TULP2: variants seen among roughly 807,000 people sequenced by gnomAD.
TULP2 encodes the protein TUB like protein 2, also known as tubby-related protein 2.
Under a neutral mutation model 60.3 loss-of-function variants are expected in TULP2, and 64 were observed. The ratio of observed to expected loss-of-function variants is 1.06; its 90% CI spans 0.87 to 1.31. The LOEUF is 1.31. Among genes scored for constraint, TULP2 ranks in the 50% most tolerant of loss-of-function variants. The pLI is 0.00. For missense variants in TULP2, 652 were observed against 667.0 expected (o/e 0.98, Z 0.25); for synonymous variants, 267 against 265.4 (o/e 1.01, Z -0.06).
In TULP2 at chr19:48,889,125, C is replaced by T. The variant is rs111928121; in HGVS notation, c.636+385G>A. Among the ~76,000 whole-genome samples, 1,001 of 151,834 alleles carry T rather than the reference C, an allele frequency of 6.6e-3. 15 individuals carry two copies. The highest frequency in any genetic ancestry group is 0.023 in the African/African-American group (945 of 41,390). The stretch of plus-strand genomic sequence containing the variant: ...CTGAGTAGTTGGGATTACTGGCGTG[C>T]GCCACCACACCTGGCTAATTTTTGT... On this transcript the variant is annotated intron_variant, in intron 7 of 12. Coordinates refer to ENST00000221399, the MANE Select transcript of TULP2 (RefSeq NM_003323.3).
At chr19:48,889,969 T>C (rs2037217577) in intron 6 of TULP2, among the ~76,000 whole-genome samples, 2 of 152,212 alleles carry the variant, frequency 1.3e-5, no homozygotes, top group South Asian at 2.1e-4. Flanking sequence ...AGCCAGGTAT[T>C]GTCCAAGATT....
rs764226115 is a variant in TULP2, at chr19:48,883,772, G to T, written c.1257C>A (p.Ile419=). 12 of 1,613,936 alleles carry T rather than the reference G, an allele frequency of 7.4e-6. No individual in the cohort carries two copies. The highest frequency in any genetic ancestry group is 9.3e-6 in the Non-Finnish European group (11 of 1,180,038). Residue 419 remains isoleucine (I), a synonymous_variant, in exon 11 of 13, where the codon ATC becomes ATA. Coordinates refer to ENST00000221399, the MANE Select transcript of TULP2 (RefSeq NM_003323.3). ...GACTCACATTTAGTGGCTGGACATTGATTCGCTGGTTCTGGCTGTTGGTTC... is the reference window on the plus strand; with the variant it reads ...GACTCACATTTAGTGGCTGGACATTTATTCGCTGGTTCTGGCTGTTGGTTC... ...LPGTNSQNQR[I]NVQPLNEQES...
At chr19:48,891,701 G>A (rs1478693055) in intron 6 of TULP2, among the ~76,000 whole-genome samples, 1 of 152,144 alleles carries the variant, frequency 6.6e-6, no homozygotes, top group African/African-American at 2.4e-5. Flanking sequence ...AAGTATAGAG[G>A]AAGAAAAGTG....
intron 6 of TULP2, among the ~76,000 whole-genome samples, chr19:48,892,712 C>T (rs181847068): frequency 2.0e-5 from 3 of 151,982 alleles, no homozygotes; most frequent in African/African-American, 7.2e-5. Flanking sequence ...ACTGTGGTCT[C>T]GATCTCCTGA....
In TULP2 at chr19:48,889,626, G is replaced by T. The variant is rs533360637; in HGVS notation, c.520C>A (p.Arg174Ser). 1.0e-5 allele frequency: 16 copies of T among 1,577,816 alleles called. No homozygotes were observed. Among genetic ancestry groups the T allele is most frequent in the Middle Eastern group, 3.4e-4 (2 of 5,888 alleles). ...GWQAHQRPGT[R>S]AEGESDSQDM... ...TGGGAGTCACTCTCACCCTCTGCAC[G>T]GGTCCCTAATGTGGGGAAAAGCAAG... The change falls in exon 7 of 13, where the codon CGT (arginine) becomes AGT (serine). Residue 174 changes from arginine to serine, a missense_variant. Coordinates refer to ENST00000221399, the MANE Select transcript of TULP2 (RefSeq NM_003323.3).
chr19:48,888,070 C>CACGT lies in TULP2; in HGVS notation c.824_827dup (p.Leu277ArgfsTer18). ...TGGTGCCCGGGAGCGCTGGCCGCAG[C>CACGT]ACGTAGGCTTCCATGTCCTCCTCCA... On this transcript the variant is annotated frameshift_variant, in exon 8 of 13. Transcript: ENST00000221399. LOFTEE classifies it high-confidence loss of function. 1 of 1,614,232 alleles carries CACGT rather than the reference C, an allele frequency of 6.2e-7. No individual in the cohort carries two copies.
intron 6 of TULP2, among the ~76,000 whole-genome samples, chr19:48,892,185 G>T (rs2037239105): frequency 6.6e-6 from 1 of 152,194 alleles, no homozygotes; most frequent in African/African-American, 2.4e-5. Flanking sequence ...GTGTCGGGCT[G>T]GGGGACCGTC....
chr19:48,895,724 A>G (rs929227911), intron 4 of TULP2, among the ~76,000 whole-genome samples: 10 of 152,060 alleles, frequency 6.6e-5, no homozygotes, highest in African/African-American at 2.4e-4. Context: ...TACTAAAAAC[A>G]CAAAATTAGC....
In TULP2 at chr19:48,897,846, A is replaced by G. The variant is rs1333408863; in HGVS notation, c.23T>C (p.Leu8Ser). 1 of 1,613,630 alleles carries G rather than the reference A, an allele frequency of 6.2e-7. No homozygotes were observed. Among genetic ancestry groups the G allele is most frequent in the East Asian group, 2.2e-5 (1 of 44,808 alleles). ...CTGTTTCCCTACTCACTCTCTCATC[A>G]ATGTGTCATTATCCTGAGACATTCT... MSQDNDT[L>S]MRDILGHELA... is the part of the protein sequence containing the mutation. Residue 8 changes from leucine (L) to serine (S), a missense_variant, in exon 2 of 13, where the codon TTG (leucine) becomes TCG (serine). Physicochemically the swap from Leu to Ser is moderately radical, Grantham distance 145 (BLOSUM62 -2). Transcript: ENST00000221399. The surrounding 1 kb of genome is among the most constrained non-coding windows in gnomAD (Gnocchi z 4.0).
At chr19:48,886,298 C>CA (rs549692428) in intron 8 of TULP2, among the ~76,000 whole-genome samples, 14,775 of 96,492 alleles carry the variant, frequency 0.15, 1,092 homozygotes, top group Non-Finnish European at 0.21. Context: ...GACTACGTCT[C>CA]AAAAAAAAAA....
chr19:48,882,152 G>A lies in TULP2; in HGVS notation c.1327C>T (p.Leu443Phe). ...RYQRGDKQGLLLLHNKTPSWD... is the reference protein window; with the variant it reads ...RYQRGDKQGLFLLHNKTPSWD... ...GACGGGGTTTTGTTGTGCAACAAAA[G>A]CAACCCTTGTTTGTCCCCACGTTGG... The change falls in exon 12 of 13, where the codon CTT (leucine) becomes TTT (phenylalanine). Residue 443 changes from leucine to phenylalanine, a missense_variant. By Grantham distance (22) the Leu-to-Phe change is conservative. Transcript: ENST00000221399. 1 of 1,614,214 alleles carries A rather than the reference G, an allele frequency of 6.2e-7. No individual in the cohort carries two copies. The highest frequency in any genetic ancestry group is 8.5e-7 in the Non-Finnish European group (1 of 1,180,042).
rs1480566824 is a variant in TULP2, at chr19:48,884,063, A to G, written c.1062-17T>C. 1 of 1,600,368 alleles carries G rather than the reference A, an allele frequency of 6.2e-7. No homozygotes were observed. The highest frequency in any genetic ancestry group is 8.6e-7 in the Non-Finnish European group (1 of 1,167,956). On this transcript the variant is annotated splice_polypyrimidine_tract_variant and intron_variant, in intron 9 of 12. Coordinates refer to ENST00000221399, the MANE Select transcript of TULP2 (RefSeq NM_003323.3). ...ACATTGGATCTGCTCCAGGAAGGGAATGGATAGAATAAAAATACTAAGTGT... is the reference window on the plus strand; with the variant it reads ...ACATTGGATCTGCTCCAGGAAGGGAGTGGATAGAATAAAAATACTAAGTGT...
rs1247935430 is a variant in TULP2 at position 48,883,209 on chromosome 19, ACT to A, written c.1275+543_1275+544del. 5.4e-5 allele frequency among the ~76,000 whole-genome samples: 8 copies of A among 147,816 alleles called. No homozygotes were observed. In the South Asian group the frequency reaches 1.7e-3, roughly 32 times the overall value. On this transcript the variant is annotated intron_variant, in intron 11 of 12. Coordinates refer to ENST00000221399, the MANE Select transcript of TULP2 (RefSeq NM_003323.3). Reference sequence around the variant, plus strand: ...ACTCCAGCCTGGGCGACAGAGCAAGACTCTGTCTCAAAAAAAAAAAAAAAGAA... The same window carrying A: ...ACTCCAGCCTGGGCGACAGAGCAAGACTGTCTCAAAAAAAAAAAAAAAGAA...
At chr19:48,894,224 G>C (rs764785015) in intron 6 of TULP2, among the ~76,000 whole-genome samples, 8 of 151,868 alleles carry the variant, frequency 5.3e-5, no homozygotes, top group Non-Finnish European at 8.8e-5. Context: ...GTAGAGACAT[G>C]GTTTCGTCAC....
chr19:48,884,491 C>T (rs2037162035), intron 9 of TULP2, among the ~76,000 whole-genome samples: 1 of 151,562 alleles, frequency 6.6e-6, no homozygotes, highest in South Asian at 2.1e-4. Flanking sequence ...ATAAATGAGG[C>T]CGGGTACGGT....
intron 8 of TULP2, among the ~76,000 whole-genome samples, chr19:48,887,338 T>TTTTTTTTTTTTTTTTTTTTTTC (rs1285265988): frequency 1.0e-5 from 1 of 95,254 alleles, no homozygotes; most frequent in Non-Finnish European, 2.1e-5. Flanking sequence ...TTTTTTTTTT[T>TTTTTTTTTTTTTTTTTTTTTTC]TTTTTATGCA....
chr19:48,895,118 G>C lies in TULP2; in HGVS notation c.394C>G (p.Pro132Ala), dbSNP rs1490902251. The change falls in exon 6 of 13, where the codon CCA (proline) becomes GCA (alanine). Residue 132 changes from proline (P) to alanine (A), a missense_variant. Coordinates refer to ENST00000221399, the MANE Select transcript of TULP2 (RefSeq NM_003323.3). ...TCCAATTCTGCATCGGAATTGTCTGGGAGCCAGGATAAGAAAGGGGACTGG... is the reference window on the plus strand; with the variant it reads ...TCCAATTCTGCATCGGAATTGTCTGCGAGCCAGGATAAGAAAGGGGACTGG... ...GLQSPFLSWLPDNSDAELEEV... is the reference protein window; with the variant it reads ...GLQSPFLSWLADNSDAELEEV... 1 of 1,614,088 alleles carries C rather than the reference G, an allele frequency of 6.2e-7. No individual in the cohort carries two copies. The highest frequency in any genetic ancestry group is 2.2e-5 in the East Asian group (1 of 44,872).
At chr19:48,888,318 C>G in intron 7 of TULP2, 57 bp from the exon 8 acceptor site, 1 of 1,516,786 alleles carries the variant, frequency 6.6e-7, no homozygotes, top group South Asian at 1.3e-5. Context: ...GCCTTGCTTA[C>G]TACTGATTGA....
chr19:48,897,369 C>T lies in TULP2; in HGVS notation c.60G>A (p.Met20Ile). Reference sequence around the variant, plus strand: ...CCTGCTGTTCCAGCTTCTGCAGCCTCATAGCAGCGAGCTCATGCCCCAGGA... The same window carrying T: ...CCTGCTGTTCCAGCTTCTGCAGCCTTATAGCAGCGAGCTCATGCCCCAGGA... ...RDILGHELAA[M>I]RLQKLEQQRR... is the part of the protein sequence containing the mutation. The change falls in exon 3 of 13, where the codon ATG (methionine) becomes ATA (isoleucine). Residue 20 changes from methionine to isoleucine, a missense_variant. By Grantham distance (10) the Met-to-Ile change is conservative. Transcript: ENST00000221399. This position sits in a 1 kb window ranked among gnomAD's most constrained non-coding sequence, Gnocchi z 4.0. 1.2e-6 allele frequency: 2 copies of T among 1,613,902 alleles called. No homozygotes were observed. The highest frequency in any genetic ancestry group is 1.7e-6 in the Non-Finnish European group (2 of 1,179,916).
Sources: allele counts gnomAD v4.1 joint callset (sites outside exome capture counted in the v4.1 genomes callset), GRCh38; gene constraint gnomAD v4.1.1; non-coding constraint Gnocchi (gnomAD v3.1); transcripts MANE v1.5; gene names NCBI Gene and HGNC (gene_info 2026-07-23, HGNC 2026-07-21).